The following REPS2 variants were observed in gnomAD, a reference collection of about 807,000 sequenced individuals.
The protein encoded by REPS2 is RALBP1 associated Eps domain containing 2, also known as ralBP1-associated Eps domain-containing protein 2.
A neutral mutation model predicts 53.6 loss-of-function variants in REPS2; 23 were observed. That is an observed-to-expected ratio of 0.43 (90% CI 0.31 to 0.61). The LOEUF is 0.61. Among genes scored for constraint, REPS2 ranks in the 20% least tolerant of loss-of-function variants. The probability of loss-of-function intolerance (pLI) is 0.11; values close to 1 mark genes in which losing one functional copy is unlikely to be tolerated. For missense variants in REPS2, 446 were observed against 534.9 expected (o/e 0.83, Z 1.64); for synonymous variants, 238 against 218.6 (o/e 1.09, Z -0.78).
intron 13 of REPS2, among the ~76,000 whole-genome samples, chrX:17,093,021 G>C (rs1942318838): frequency 9.7e-6 from 1 of 103,010 alleles, no homozygotes; most frequent in South Asian, 4.6e-4. Flanking sequence ...GGTGCTGTGG[G>C]AGACAAAAAG....
At chrX:17,062,559 TA>T in intron 9 of REPS2, 27 bp downstream of exon 9, 1 of 1,062,115 alleles carries the variant, frequency 9.4e-7, no homozygotes, top group Non-Finnish European at 1.3e-6. Context: ...TGCTAATAAA[TA>T]AGGATGTGTA....
chrX:17,147,552 A>C lies in REPS2; in HGVS notation c.*71A>C. Reference sequence around the variant, plus strand: ...TCTTTCTTTTGAATGTTTTGAACCCAACTACTTGTCATAGATGTTTGACTG... The same window carrying C: ...TCTTTCTTTTGAATGTTTTGAACCCCACTACTTGTCATAGATGTTTGACTG... On this transcript the variant is annotated 3_prime_UTR_variant, in exon 18 of 18. Coordinates refer to ENST00000357277, the MANE Select transcript of REPS2 (RefSeq NM_004726.3). The C allele has an allele frequency of 1.2e-6, 1 of 851,319 alleles. No individual in the cohort carries two copies. Among genetic ancestry groups the C allele is most frequent in the Non-Finnish European group, 1.7e-6 (1 of 593,830 alleles). 70.2% of individuals were successfully genotyped at this position (851,319 alleles called of 1,213,427 possible).
At chrX:17,161,011 GT>G in the REPS2 span, among the ~76,000 whole-genome samples, 4 of 112,089 alleles carry the variant, frequency 3.6e-5, no homozygotes, top group Admixed American at 3.8e-4. Flanking sequence ...TCTGTACTTA[GT>G]TTAGATGATG....
chrX:17,141,140 A>G (rs1432283422), intron 17 of REPS2, among the ~76,000 whole-genome samples: 2 of 111,931 alleles, frequency 1.8e-5, no homozygotes, highest in East Asian at 5.6e-4. Flanking sequence ...CCAAACCCCC[A>G]AAAAGATAGA....
intron 1 of REPS2, among the ~76,000 whole-genome samples, chrX:16,974,972 T>G (rs764761802): frequency 9.0e-6 from 1 of 111,336 alleles, no homozygotes; most frequent in Non-Finnish European, 1.9e-5. Flanking sequence ...CAGTATTTGG[T>G]TTTCCGTTCC....
downstream of REPS2, among the ~76,000 whole-genome samples, chrX:17,157,014 A>G (rs950474475): frequency 6.3e-5 from 7 of 111,201 alleles, no homozygotes; most frequent in Non-Finnish European, 1.3e-4. Context: ...TATCATTTAC[A>G]TGAGGCATTT....
At chrX:17,094,641 T>C (rs112462817) in intron 13 of REPS2, among the ~76,000 whole-genome samples, 2,814 of 112,351 alleles carry the variant, frequency 0.025, 90 homozygotes, top group African/African-American at 0.088. Flanking sequence ...CTATTCTCTT[T>C]CTGCTATCTT....
At chrX:16,979,232 G>A (rs2060992633) in intron 1 of REPS2, among the ~76,000 whole-genome samples, 1 of 111,592 alleles carries the variant, frequency 9.0e-6, no homozygotes. Flanking sequence ...ATTCTTTATA[G>A]GGTGTCAAGT....
chrX:17,028,271 A>C (rs1345749109), intron 4 of REPS2, among the ~76,000 whole-genome samples: 3 of 112,012 alleles, frequency 2.7e-5, no homozygotes, highest in Non-Finnish European at 5.6e-5. Flanking sequence ...ACCATGCCAC[A>C]GTTCACTGTG....
At chrX:16,972,747 A>G (rs1342668927) in intron 1 of REPS2, among the ~76,000 whole-genome samples, 3 of 112,011 alleles carry the variant, frequency 2.7e-5, no homozygotes, top group African/African-American at 9.7e-5. Flanking sequence ...GTTAACCTGT[A>G]CATCAATCTA....
intron 14 of REPS2, among the ~76,000 whole-genome samples, chrX:17,112,823 T>A (rs1311181209): frequency 9.1e-6 from 1 of 110,435 alleles, no homozygotes; most frequent in Non-Finnish European, 1.9e-5. Flanking sequence ...GCACAGTGGC[T>A]CACGCCTGTA....
intron 1 of REPS2, among the ~76,000 whole-genome samples, chrX:17,001,232 G>T (rs2061302936): frequency 8.9e-6 from 1 of 112,235 alleles, no homozygotes; most frequent in Non-Finnish European, 1.9e-5. Context: ...CACTCACATG[G>T]TCTTAAAGTA....
chrX:16,989,093 A>G (rs763258365), intron 1 of REPS2, among the ~76,000 whole-genome samples: 29 of 111,721 alleles, frequency 2.6e-4, no homozygotes, highest in African/African-American at 9.4e-4. Context: ...TGGTGGAGGG[A>G]TACATGTATA....
At chrX:17,134,683 G>A (rs902466486) in intron 15 of REPS2, among the ~76,000 whole-genome samples, 14 of 109,999 alleles carry the variant, frequency 1.3e-4, no homozygotes, top group South Asian at 1.2e-3. Flanking sequence ...AGGCTGGAGT[G>A]CAGTGGCGCG....
At chrX:17,191,615 T>C in the REPS2 span, among the ~76,000 whole-genome samples, 1 of 112,390 alleles carries the variant, frequency 8.9e-6, no homozygotes, top group Non-Finnish European at 1.9e-5. Context: ...TAAAAACCTG[T>C]ACATGAATTT....
At chrX:17,097,344 A>G (rs1195297949) in intron 13 of REPS2, among the ~76,000 whole-genome samples, 1 of 112,474 alleles carries the variant, frequency 8.9e-6, no homozygotes, top group Non-Finnish European at 1.9e-5. Flanking sequence ...AGGAAATTCT[A>G]AAAGACATAC....
chrX:17,046,663 C>A (rs1343276147), intron 5 of REPS2, among the ~76,000 whole-genome samples: 2 of 112,448 alleles, frequency 1.8e-5, no homozygotes, highest in Non-Finnish European at 3.8e-5. Context: ...CCCTGGTTTT[C>A]TAGGCTCTTA....
At chrX:16,950,590 C>T (rs1452538758) in intron 1 of REPS2, among the ~76,000 whole-genome samples, 3 of 112,361 alleles carry the variant, frequency 2.7e-5, no homozygotes, top group Non-Finnish European at 5.6e-5. Context: ...AGGTGGAAAA[C>T]GTATATGAGT....
chrX:17,164,896 G>C, the REPS2 span, among the ~76,000 whole-genome samples: 1 of 111,808 alleles, frequency 8.9e-6, no homozygotes, highest in Admixed American at 9.5e-5. Flanking sequence ...TATTTGAAAA[G>C]ATGAACAAAA....
Sources: allele counts gnomAD v4.1 joint callset (sites outside exome capture counted in the v4.1 genomes callset), GRCh38; gene constraint gnomAD v4.1.1; transcripts MANE v1.5; gene names NCBI Gene and HGNC (gene_info 2026-07-23, HGNC 2026-07-21).